The following THUMPD2 variants were observed in gnomAD, a reference collection of about 807,000 sequenced individuals.
The protein encoded by THUMPD2 is U6 snRNA (guanine-N(2))-methyltransferase THUMPD2.
In THUMPD2, 56 loss-of-function variants were observed where a neutral mutation model predicts 49.4. The observed-to-expected ratio is 1.13, with a 90% CI of 0.91 to 1.41. THUMPD2 has a LOEUF of 1.41. Ranked by LOEUF, THUMPD2 falls within the 40% of genes most tolerant of loss-of-function variation. THUMPD2 has a pLI of 0.00. For synonymous variants in THUMPD2, 237 were observed against 205.2 expected (o/e 1.15, Z -1.32); for missense variants, 709 against 594.5 (o/e 1.19, Z -2.00).
intron 1 of THUMPD2, among the ~76,000 whole-genome samples, chr2:39,773,040 C>A (rs573865499): frequency 1.3e-5 from 2 of 152,200 alleles, no homozygotes; most frequent in African/African-American, 2.4e-5. Context: ...TGGGAGGAAG[C>A]AGGGAATGAA....
chr2:39,745,917 G>C (rs1674517231), intron 8 of THUMPD2, among the ~76,000 whole-genome samples: 1 of 152,190 alleles, frequency 6.6e-6, no homozygotes, highest in Admixed American at 6.5e-5. Context: ...ATAAGCTCTG[G>C]AGTCAGACAG....
At chr2:39,770,334 G>A (rs10211306) in intron 2 of THUMPD2, among the ~76,000 whole-genome samples, 81,763 of 151,950 alleles carry the variant, frequency 0.54, 22,443 homozygotes, top group East Asian at 0.73. Context: ...TATAGCATCC[G>A]TATTGTGTTA....
intron 8 of THUMPD2, among the ~76,000 whole-genome samples, chr2:39,745,402 GA>G (rs1467505085): frequency 1.3e-5 from 2 of 151,836 alleles, no homozygotes; most frequent in African/African-American, 2.4e-5. Flanking sequence ...TAGATTGTTC[GA>G]AAAAAAGAAG....
intron 9 of THUMPD2, 79 bp from the exon 10 acceptor site, chr2:39,737,138 C>G (rs923204457): frequency 7.6e-7 from 1 of 1,319,216 alleles, no homozygotes; most frequent in East Asian, 2.5e-5. Context: ...TAAAATGGTT[C>G]ATGTTTTTAA....
chr2:39,749,864 C>T (rs920502210), intron 8 of THUMPD2, among the ~76,000 whole-genome samples: 1 of 151,854 alleles, frequency 6.6e-6, no homozygotes, highest in African/African-American at 2.4e-5. Context: ...GTTTTCTGTT[C>T]CTGCGTTAGT....
intron 8 of THUMPD2, among the ~76,000 whole-genome samples, chr2:39,745,071 G>A (rs995436826): frequency 6.6e-6 from 1 of 152,040 alleles, no homozygotes; most frequent in African/African-American, 2.4e-5. Flanking sequence ...CAGAAGTTAC[G>A]TTATCAGAAA....
intron 9 of THUMPD2, among the ~76,000 whole-genome samples, chr2:39,738,073 T>C (rs1673367752): frequency 6.6e-6 from 1 of 152,082 alleles, no homozygotes; most frequent in South Asian, 2.1e-4. Context: ...GCTAAAGCCA[T>C]AATGGTGGAT....
At chr2:39,748,761 G>A (rs998485027) in intron 8 of THUMPD2, among the ~76,000 whole-genome samples, 1 of 152,008 alleles carries the variant, frequency 6.6e-6, no homozygotes, top group South Asian at 2.1e-4. Flanking sequence ...AGGCTGAGCT[G>A]GGAGGATCAT....
intron 4 of THUMPD2, 87 bp downstream of exon 4, chr2:39,768,337 T>C (rs1422226092): frequency 8.6e-7 from 1 of 1,157,000 alleles, no homozygotes; most frequent in African/African-American, 1.6e-5. Context: ...AACTGTAAAA[T>C]AAAACGGAAA....
chr2:39,777,230 C>T (rs546158757), intron 1 of THUMPD2, among the ~76,000 whole-genome samples: 1 of 152,098 alleles, frequency 6.6e-6, no homozygotes, highest in Non-Finnish European at 1.5e-5. Flanking sequence ...ATTTTACATC[C>T]AAGAAAATTG....
At chr2:39,775,878 C>T (rs1226791976) in intron 1 of THUMPD2, among the ~76,000 whole-genome samples, 1 of 150,486 alleles carries the variant, frequency 6.6e-6, no homozygotes, top group Non-Finnish European at 1.5e-5. Context: ...AATAACTTGA[C>T]TTCCTGCTTA....
At chr2:39,748,246 C>T (rs1050713058) in intron 8 of THUMPD2, among the ~76,000 whole-genome samples, 1 of 152,160 alleles carries the variant, frequency 6.6e-6, no homozygotes, top group African/African-American at 2.4e-5. Flanking sequence ...ATAGCACCAC[C>T]CTAGGACACT....
chr2:39,761,712 A>G (rs1676848835), intron 5 of THUMPD2, among the ~76,000 whole-genome samples: 1 of 152,188 alleles, frequency 6.6e-6, no homozygotes, highest in Admixed American at 6.6e-5. Context: ...AATCTTTCTT[A>G]TACTTCCCTG....
intron 5 of THUMPD2, among the ~76,000 whole-genome samples, chr2:39,763,213 C>T (rs555633480): frequency 7.2e-5 from 11 of 151,820 alleles, no homozygotes; most frequent in African/African-American, 2.2e-4. Context: ...AAGACAAAGA[C>T]GTCCTAATCT....
rs188447912 is a variant in THUMPD2 at position 39,777,085 on chromosome 2, A to C, written c.126+2029T>G. Among the ~76,000 whole-genome samples, 76 of 152,328 alleles carry C rather than the reference A, an allele frequency of 5.0e-4. 2 individuals are homozygous for C. In the East Asian group the frequency reaches 8.9e-3, roughly 18 times the overall value. On this transcript the variant is annotated intron_variant, in intron 1 of 9. Transcript: ENST00000505747. Reference sequence around the variant, plus strand: ...TCTAACACTCTCTTATCATTGAAAGAATGTTTTAAGTATTCCTGTACAACT... The same window carrying C: ...TCTAACACTCTCTTATCATTGAAAGCATGTTTTAAGTATTCCTGTACAACT...
rs193088913 is a variant in THUMPD2, at chr2:39,736,552, G to A, written c.*183C>T. 9.1e-5 allele frequency: 43 copies of A among 473,344 alleles called. No individual in the cohort carries two copies. Among genetic ancestry groups the A allele is most frequent in the African/African-American group, 8.4e-4 (43 of 51,066 alleles). 29.3% of individuals were successfully genotyped at this position (473,344 alleles called of 1,614,324 possible). A position where few individuals can be genotyped will look rare whatever the true frequency, so the allele number is the denominator to read the frequency against. On this transcript the variant is annotated 3_prime_UTR_variant, in exon 10 of 10. Transcript: ENST00000505747. ...ATAACTTTTTTCTCAAAAACATTAA[G>A]TACTTTAGAATATAAAGCAGAAACT...
In THUMPD2 at chr2:39,769,905, C is replaced by T. The variant is rs1192195645; in HGVS notation, c.477G>A (p.Arg159=). ...TTATTTGTTTTTCCAGCTGGCAGTC[C>T]CTATTCTCTTCTATCTTTTGCATTT... is the stretch of plus-strand genomic sequence containing the variant. ...IEQMQKIEEN[R]DCQLEKQIKE... The change falls in exon 3 of 10, where the codon AGG becomes AGA. Residue 159 remains arginine, a synonymous_variant. Transcript: ENST00000505747. The T allele has an allele frequency of 5.7e-6, 9 of 1,592,252 alleles. No individual in the cohort carries two copies. Among genetic ancestry groups the T allele is most frequent in the South Asian group, 1.2e-5 (1 of 85,838 alleles).
rs1195607591 is a variant in THUMPD2 at position 39,779,148 on chromosome 2, A to G, written c.92T>C (p.Met31Thr). The change falls in exon 1 of 10, where the codon ATG becomes ACG. Residue 31 changes from methionine to threonine, a missense_variant. Physicochemically the swap from Met to Thr is moderately conservative, Grantham distance 81. Coordinates refer to ENST00000505747, the MANE Select transcript of THUMPD2 (RefSeq NM_025264.5). ...TAGRGLEPFV[M>T]REVRARLAAT... is the part of the protein sequence containing the mutation. The stretch of plus-strand genomic sequence containing the variant: ...CGCCAGCCGCGCCCGCACCTCTCGC[A>G]TTACGAACGGCTCCAGGCCGCGACC... 2.0e-6 allele frequency: 3 copies of G among 1,519,852 alleles called. No homozygotes were observed. The highest frequency in any genetic ancestry group is 2.5e-5 in the South Asian group (2 of 81,614). 94.1% of individuals were successfully genotyped at this position (1,519,852 alleles called of 1,614,324 possible).
intron 1 of THUMPD2, among the ~76,000 whole-genome samples, chr2:39,772,331 G>A (rs532999418): frequency 6.6e-6 from 1 of 152,296 alleles, no homozygotes; most frequent in Non-Finnish European, 1.5e-5. Flanking sequence ...TACCACGAAT[G>A]GTAATGGTCA....
Sources: allele counts gnomAD v4.1 joint callset (sites outside exome capture counted in the v4.1 genomes callset), GRCh38; gene constraint gnomAD v4.1.1; transcripts MANE v1.5; gene names NCBI Gene and HGNC (gene_info 2026-07-23, HGNC 2026-07-21).